Variants in IGF2BP1 observed in about 807,000 individuals in gnomAD.
IGF2BP1 encodes insulin-like growth factor 2 mRNA-binding protein 1.
In IGF2BP1, 11 loss-of-function variants were observed where a neutral mutation model predicts 74.9. That is an observed-to-expected ratio of 0.15 (90% CI 0.09 to 0.24). The LOEUF (loss-of-function observed/expected upper bound fraction) is 0.24. Among genes scored for constraint, IGF2BP1 ranks in the 10% least tolerant of loss-of-function variants. IGF2BP1 has a pLI of 1.00. For synonymous variants in IGF2BP1, 287 were observed against 281.8 expected (o/e 1.02, Z -0.18); for missense variants, 440 against 757.4 (o/e 0.58, Z 4.92).
At chr17:49,031,867 C>T (rs1173239357) in intron 4 of IGF2BP1, 43 bp from the exon 5 acceptor site, 8 of 1,578,478 alleles carry the variant, frequency 5.1e-6, no homozygotes, top group African/African-American at 1.4e-5. Flanking sequence ...GATTGGGCCT[C>T]CAGATTTCCC....
chr17:49,000,193 C>T (rs541844874), intron 2 of IGF2BP1, among the ~76,000 whole-genome samples: 12 of 152,130 alleles, frequency 7.9e-5, no homozygotes, highest in African/African-American at 2.9e-4. Context: ...GAAAGCAGCC[C>T]CCAGTAAATC....
intron 5 of IGF2BP1, among the ~76,000 whole-genome samples, chr17:49,035,151 G>A (rs1397845508): frequency 6.6e-6 from 1 of 152,172 alleles, no homozygotes; most frequent in Non-Finnish European, 1.5e-5. Context: ...GCTGGTTTTT[G>A]TTTTTATTTT....
In IGF2BP1 at chr17:49,027,853, G is replaced by GAA. The variant is rs777784396; in HGVS notation, c.337+1363_337+1364dup. Among the ~76,000 whole-genome samples the GAA allele has an allele frequency of 1.5e-3, 66 of 42,882 alleles. 1 individual carries two copies. Among genetic ancestry groups the GAA allele is most frequent in the East Asian group, 5.3e-3 (5 of 938 alleles). The allele number at this position is 42,882 out of a possible 152,430, so 28.1% of individuals were successfully genotyped here. ...GGCGAAAGAGCGAGACTCTGTCTCA[G>GAA]AAAAAAAAAAAAAAAAAAAAAAAAA... On this transcript the variant is annotated intron_variant, in intron 4 of 14. Coordinates refer to ENST00000290341, the MANE Select transcript of IGF2BP1 (RefSeq NM_006546.4).
At chr17:49,024,838 A>T (rs374774052) in intron 2 of IGF2BP1, among the ~76,000 whole-genome samples, 5 of 152,344 alleles carry the variant, frequency 3.3e-5, no homozygotes, top group East Asian at 3.9e-4. Flanking sequence ...TGTCTCCAGC[A>T]TCTGGAACAA....
chr17:49,025,801 T>C, intron 3 of IGF2BP1, 135 bp downstream of exon 3: 1 of 595,250 alleles, frequency 1.7e-6, no homozygotes, highest in South Asian at 2.5e-5. Context: ...CATCCTTTCT[T>C]TCTTTTTTTC....
chr17:49,007,700 T>C (rs892061868), intron 2 of IGF2BP1, among the ~76,000 whole-genome samples: 2 of 151,926 alleles, frequency 1.3e-5, no homozygotes, highest in Non-Finnish European at 2.9e-5. Context: ...GAAGAGAAAA[T>C]GAGGGAGACA....
Position 49,041,449 on chromosome 17 carries a change from G to A in IGF2BP1, c.890G>A (p.Arg297Gln). ...GGGCGTCTCATTGGCAAGGAAGGAC[G>A]GAACCTGAAGAAGGTAGAGCAAGAT... ...FVGRLIGKEGRNLKKVEQDTE... is the reference protein window; with the variant it reads ...FVGRLIGKEGQNLKKVEQDTE... Residue 297 changes from arginine (R) to glutamine (Q), a missense_variant, in exon 8 of 15, where the codon CGG becomes CAG. Physicochemically the swap from Arg to Gln is conservative, Grantham distance 43 (BLOSUM62 1). Transcript: ENST00000290341. 1 of 1,614,014 alleles carries A rather than the reference G, an allele frequency of 6.2e-7. No individual in the cohort carries two copies. Among genetic ancestry groups the A allele is most frequent in the Non-Finnish European group, 8.5e-7 (1 of 1,179,988 alleles).
intron 5 of IGF2BP1, 151 bp from the exon 6 acceptor site, chr17:49,038,017 G>GA (rs1310687417): frequency 1.2e-5 from 7 of 586,674 alleles, no homozygotes; most frequent in Non-Finnish European, 1.9e-5. Flanking sequence ...GGAAAGTTGT[G>GA]AAAAATGGAG....
At chr17:48,999,925 TGTGTG>T (rs1209359131) in intron 2 of IGF2BP1, among the ~76,000 whole-genome samples, 1 of 78,064 alleles carries the variant, frequency 1.3e-5, no homozygotes, top group Non-Finnish European at 3.5e-5. Flanking sequence ...GGATGAATGG[TGTGTG>T]TGTGTGTGTG....
At chr17:49,030,619 T>TG (rs2041910970) in intron 4 of IGF2BP1, among the ~76,000 whole-genome samples, 1 of 151,950 alleles carries the variant, frequency 6.6e-6, no homozygotes, top group African/African-American at 2.4e-5. Flanking sequence ...TTTAACTAGT[T>TG]GAACTTTTTT....
chr17:49,025,415 A>C (rs965012764), intron 2 of IGF2BP1, among the ~76,000 whole-genome samples: 1 of 151,240 alleles, frequency 6.6e-6, no homozygotes, highest in African/African-American at 2.4e-5. Flanking sequence ...GTATGGTAGC[A>C]TCCATGATAA....
intron 2 of IGF2BP1, among the ~76,000 whole-genome samples, chr17:49,019,718 G>A (rs2041752661): frequency 6.6e-6 from 1 of 150,528 alleles, no homozygotes; most frequent in Non-Finnish European, 1.5e-5. Context: ...ACAGGAGTGA[G>A]CCATTGTGCC....
chr17:49,044,160 C>A lies in IGF2BP1; in HGVS notation c.1320+74C>A, dbSNP rs1598158869. The A allele has an allele frequency of 1.6e-5, 25 of 1,547,540 alleles. No individual in the cohort carries two copies. In the East Asian group the frequency reaches 5.5e-4, roughly 34 times the overall value. The stretch of plus-strand genomic sequence containing the variant: ...GCTTTTATCACTCTGCACTTTCTCC[C>A]ATATTCCCCCTACTCATTTGAGAAT... On this transcript the variant is annotated intron_variant, in intron 11 of 14. Transcript: ENST00000290341.
At chr17:49,045,836 C>T in intron 12 of IGF2BP1, 54 bp from the exon 13 acceptor site, 1 of 1,571,350 alleles carries the variant, frequency 6.4e-7, no homozygotes, top group Non-Finnish European at 8.6e-7. Flanking sequence ...TCCCACTTTT[C>T]TCTTTTGTCA....
chr17:49,044,844 T>C (rs1391848087), intron 11 of IGF2BP1, 147 bp from the exon 12 acceptor site: 2 of 670,812 alleles, frequency 3.0e-6, no homozygotes, highest in Non-Finnish European at 5.4e-6. Context: ...CGTAATGATG[T>C]GGGCTTCAGG....
At chr17:49,032,387 C>T (rs1413954354) in intron 5 of IGF2BP1, among the ~76,000 whole-genome samples, 2 of 152,116 alleles carry the variant, frequency 1.3e-5, no homozygotes, top group African/African-American at 2.4e-5. Context: ...AAAGATTCCT[C>T]AACCTTGGGA....
intron 14 of IGF2BP1, among the ~76,000 whole-genome samples, chr17:49,046,815 G>A (rs1432563346): frequency 6.6e-6 from 1 of 151,872 alleles, no homozygotes; most frequent in Non-Finnish European, 1.5e-5. Flanking sequence ...TCTGCCTTTC[G>A]CAGAATGGCT....
chr17:49,042,480 T>C (rs968203322), intron 9 of IGF2BP1, 103 bp downstream of exon 9: 40 of 1,285,098 alleles, frequency 3.1e-5, no homozygotes, highest in Middle Eastern at 3.7e-4. Context: ...CGTGTGGCCT[T>C]GGAGCTTTAG....
At position 49,051,885 on chromosome 17, in the gene IGF2BP1, A is replaced by C. The variant is rs73988948; in HGVS notation, c.*2441A>C. On this transcript the variant is annotated 3_prime_UTR_variant, in exon 15 of 15. Transcript: ENST00000290341. ...TCAGTTCCGTCTTGCTATTCTTCCT[A>C]ATCTATATCCATAGATCTAAGGGGC... 223 of 151,086 alleles carry C rather than the reference A, an allele frequency of 1.5e-3. No homozygotes were observed. Among genetic ancestry groups the C allele is most frequent in the African/African-American group, 5.0e-3 (207 of 41,072 alleles). The allele number at this position is 151,086 out of a possible 1,614,324, so 9.4% of individuals were successfully genotyped here.
Sources: gnomAD v4.1 joint callset for allele counts (sites outside exome capture counted in the v4.1 genomes callset) on GRCh38, gnomAD v4.1.1 for gene constraint, MANE v1.5 for transcripts, NCBI Gene and HGNC (gene_info 2026-07-23, HGNC 2026-07-21) for gene names.